The following SOX5 variants were observed in gnomAD, a reference collection of about 807,000 sequenced individuals.
SOX5 encodes SRY-box transcription factor 5, also known as transcription factor SOX-5.
SOX5 carries 9 observed loss-of-function variants against 92.0 expected under a neutral mutation model. That is an observed-to-expected ratio of 0.10 (90% CI 0.06 to 0.17). The LOEUF (loss-of-function observed/expected upper bound fraction) is 0.17, where lower values mean the gene tolerates loss of function less well. Ranked by LOEUF, SOX5 falls within the 10% of genes least tolerant of loss-of-function variation. SOX5 has a pLI of 1.00. For missense variants in SOX5, 642 were observed against 944.5 expected (o/e 0.68, Z 4.20); for synonymous variants, 344 against 336.3 (o/e 1.02, Z -0.25).
intron 1 of SOX5, among the ~76,000 whole-genome samples, chr12:23,940,324 T>C (rs558284456): frequency 1.1e-4 from 17 of 151,270 alleles, no homozygotes; most frequent in African/African-American, 4.1e-4. Context: ...GATTAAAAAC[T>C]CCTAAGAGAC....
chr12:24,098,632 C>T (rs576694643), intron 4 of SOX5, among the ~76,000 whole-genome samples: 2 of 152,092 alleles, frequency 1.3e-5, no homozygotes, highest in South Asian at 2.1e-4. Flanking sequence ...AGAATAAGAA[C>T]AAAAGCAAAA....
At chr12:24,465,459 G>C (rs1944121692) in intron 1 of SOX5, among the ~76,000 whole-genome samples, 1 of 152,178 alleles carries the variant, frequency 6.6e-6, no homozygotes, top group Non-Finnish European at 1.5e-5. Flanking sequence ...TCCAGGTTCT[G>C]TTTTGGATGC....
At chr12:24,190,733 G>C (rs902509943) in intron 4 of SOX5, among the ~76,000 whole-genome samples, 10 of 152,078 alleles carry the variant, frequency 6.6e-5, no homozygotes, top group African/African-American at 2.4e-4. Flanking sequence ...TGTGTCACCA[G>C]GAAAAAATAC....
At chr12:24,495,911 T>C (rs1426554814) in intron 1 of SOX5, among the ~76,000 whole-genome samples, 1 of 152,204 alleles carries the variant, frequency 6.6e-6, no homozygotes, top group African/African-American at 2.4e-5. Context: ...TTTTTGACTC[T>C]GGATAATTTC....
chr12:23,835,338 A>T (rs905953406), intron 3 of SOX5, among the ~76,000 whole-genome samples: 1 of 151,912 alleles, frequency 6.6e-6, no homozygotes, highest in Non-Finnish European at 1.5e-5. Context: ...CATGAAATGG[A>T]TTCTTGCTTT....
chr12:23,533,783 A>AAAC lies in SOX5; in HGVS notation c.*433_*435dup, dbSNP rs1312053527. 3.3e-5 allele frequency: 5 copies of AAAC among 153,178 alleles called. No individual in the cohort carries two copies. The highest frequency in any genetic ancestry group is 1.2e-4 in the African/African-American group (5 of 41,448). The allele number at this position is 153,178 out of a possible 1,614,324, so 9.5% of individuals were successfully genotyped here. A position where few individuals can be genotyped will look rare whatever the true frequency, so the allele number is the denominator to read the frequency against. On this transcript the variant is annotated 3_prime_UTR_variant, in exon 15 of 15. Transcript: ENST00000451604. ...CCCAGAAACCCCAAAAAACAAAACA[A>AAAC]AACTTTTTTCTTTTTAAAAATTGTA...
At position 24,022,965 on chromosome 12, in the gene SOX5, C is replaced by T. The variant is rs182565343; in HGVS notation, c.-1-126941G>A. On this transcript the variant is annotated intron_variant, in intron 4 of 4. Coordinates refer to the SOX5 transcript ENST00000446891. ...TGCTTTCCTCCTTAAAATTTTATTG[C>T]TATTGTTTGGGTTGGGTGACTTCTC... Among the ~76,000 whole-genome samples the T allele has an allele frequency of 4.0e-5, 6 of 151,724 alleles. No individual in the cohort carries two copies. In the East Asian group the frequency reaches 7.8e-4, roughly 20 times the overall value.
intron 4 of SOX5, among the ~76,000 whole-genome samples, chr12:24,124,690 C>T (rs1236386509): frequency 2.0e-5 from 3 of 152,144 alleles, no homozygotes; most frequent in African/African-American, 7.2e-5. Context: ...CAGTAAGCTA[C>T]ATTCACCACT....
At chr12:24,073,013 A>G (rs1269098744) in intron 4 of SOX5, among the ~76,000 whole-genome samples, 1 of 152,214 alleles carries the variant, frequency 6.6e-6, no homozygotes, top group Non-Finnish European at 1.5e-5. Context: ...TACCTCAAAG[A>G]AAAGTAAAAA....
intron 7 of SOX5, among the ~76,000 whole-genome samples, chr12:23,655,232 A>C (rs1300705717): frequency 6.6e-6 from 1 of 152,068 alleles, no homozygotes. Flanking sequence ...GTATCCCTGA[A>C]AAGGTGACAA....
At chr12:24,375,130 G>A (rs1285564216) in intron 1 of SOX5, among the ~76,000 whole-genome samples, 3 of 151,816 alleles carry the variant, frequency 2.0e-5, no homozygotes, top group African/African-American at 7.3e-5. Flanking sequence ...CCGCCACTAC[G>A]CCCAGCTAAT....
intron 6 of SOX5, among the ~76,000 whole-genome samples, chr12:23,731,699 G>A (rs2093400001): frequency 6.6e-6 from 1 of 152,112 alleles, no homozygotes; most frequent in Admixed American, 6.6e-5. Context: ...AATTCACACA[G>A]CAGATCTGTC....
At position 24,334,938 on chromosome 12, in the gene SOX5, T is replaced by C. The variant is rs143280213; in HGVS notation, c.-174+33625A>G. Among the ~76,000 whole-genome samples the C allele has an allele frequency of 8.6e-4, 130 of 151,826 alleles. 2 individuals carry two copies. The East Asian group carries it at 0.024, about 28-fold the overall frequency. ...TAAAAAAAAAAAATAGAGATCTGGA[T>C]GAAAATGTATAAAATAATAATGAAT... On this transcript the variant is annotated intron_variant, in intron 2 of 4. Transcript: ENST00000446891.
At chr12:24,551,858 TC>T (rs1425328795) in intron 1 of SOX5, among the ~76,000 whole-genome samples, 2 of 152,236 alleles carry the variant, frequency 1.3e-5, no homozygotes, top group Non-Finnish European at 2.9e-5. Context: ...ACTCTTCTAG[TC>T]TGTTTTCTAC....
chr12:23,624,885 T>C (rs1363937283), intron 8 of SOX5, among the ~76,000 whole-genome samples: 3 of 152,230 alleles, frequency 2.0e-5, no homozygotes, highest in Admixed American at 6.5e-5. Context: ...TGACTTTTAA[T>C]TCTTAAACAT....
intron 3 of SOX5, among the ~76,000 whole-genome samples, chr12:23,826,725 C>A (rs1158760350): frequency 1.3e-5 from 2 of 151,750 alleles, no homozygotes; most frequent in African/African-American, 4.8e-5. Context: ...AGAAGGAAAA[C>A]AGAACTCCAA....
intron 6 of SOX5, among the ~76,000 whole-genome samples, chr12:23,671,914 A>T (rs1210723544): frequency 1.3e-5 from 2 of 152,040 alleles, no homozygotes; most frequent in Non-Finnish European, 2.9e-5. Context: ...TTTACATAGT[A>T]CTCTTCTTCG....
At chr12:23,751,480 G>T (rs2094178825) in intron 4 of SOX5, among the ~76,000 whole-genome samples, 1 of 151,764 alleles carries the variant, frequency 6.6e-6, no homozygotes, top group Non-Finnish European at 1.5e-5. Flanking sequence ...CCTGGGATCT[G>T]ATTCCTATTC....
chr12:23,869,654 G>C lies in SOX5; in HGVS notation c.271-23461C>G, dbSNP rs148831722. ...AGAAGCAGCCCCAGAATGTAAATCA[G>C]TTCTATCACTAAGTACCCTGCTTAG... On this transcript the variant is annotated intron_variant, in intron 2 of 14. Coordinates refer to ENST00000451604, the MANE Select transcript of SOX5 (RefSeq NM_006940.6). 3.5e-4 allele frequency among the ~76,000 whole-genome samples: 53 copies of C among 152,174 alleles called. 2 individuals carry two copies. In the East Asian group the frequency reaches 9.3e-3, roughly 27 times the overall value.
Sources: gnomAD v4.1 joint callset for allele counts (sites outside exome capture counted in the v4.1 genomes callset) on GRCh38, gnomAD v4.1.1 for gene constraint, MANE v1.5 for transcripts, NCBI Gene and HGNC (gene_info 2026-07-23, HGNC 2026-07-21) for gene names.